Variants in UBE3B observed in about 807,000 individuals in gnomAD.
UBE3B encodes the protein ubiquitin protein ligase E3B.
A neutral mutation model predicts 132.3 loss-of-function variants in UBE3B; 80 were observed. The observed-to-expected ratio is 0.60, with a 90% CI of 0.50 to 0.73. The LOEUF (loss-of-function observed/expected upper bound fraction) is 0.73, where lower values mean the gene tolerates loss of function less well. Ranked by LOEUF, UBE3B falls within the 30% of genes least tolerant of loss-of-function variation. The pLI is 0.00. For synonymous variants in UBE3B, 487 were observed against 520.4 expected (o/e 0.94, Z 0.87); for missense variants, 1,196 against 1,362.5 (o/e 0.88, Z 1.92).
Position 109,516,844 on chromosome 12 carries a change from A to G in UBE3B, c.2036A>G (p.His679Arg), listed in dbSNP as rs746631323. 4.3e-6 allele frequency: 7 copies of G among 1,614,066 alleles called. No homozygotes were observed. Among genetic ancestry groups the G allele is most frequent in the East Asian group, 4.5e-5 (2 of 44,844 alleles). Residue 679 changes from histidine (H) to arginine (R), a missense_variant, in exon 19 of 28, where the codon CAT (histidine) becomes CGT (arginine). His to Arg is a conservative substitution (Grantham distance 29, BLOSUM62 0). Transcript: ENST00000342494. ...GTGGAAACCAGCTCTGCCTCCCCGC[A>G]TGTCACTCACATCACCATCCGCCGG... Reference protein sequence around the residue: ...GLVETSSASPHVTHITIRRSR... With the variant: ...GLVETSSASPRVTHITIRRSR...
chr12:109,480,965 A>G (rs1875286595), intron 1 of UBE3B, among the ~76,000 whole-genome samples: 2 of 152,294 alleles, frequency 1.3e-5, no homozygotes, highest in African/African-American at 4.8e-5. Context: ...CTTCTAAGGC[A>G]TAAACGTTTT....
chr12:109,543,512 T>C, the UBE3B span, among the ~76,000 whole-genome samples: 3 of 152,182 alleles, frequency 2.0e-5, no homozygotes, highest in Admixed American at 6.5e-5. Flanking sequence ...CTGGAATCGA[T>C]CCTTTGTTTC....
At position 109,509,694 on chromosome 12, in the gene UBE3B, T is replaced by C; in HGVS notation, c.1721T>C (p.Met574Thr). The C allele has an allele frequency of 6.2e-7, 1 of 1,606,594 alleles. No individual in the cohort carries two copies. Among genetic ancestry groups the C allele is most frequent in the Non-Finnish European group, 8.5e-7 (1 of 1,177,826 alleles). The change falls in exon 16 of 28, where the codon ATG becomes ACG. Residue 574 changes from methionine to threonine, a missense_variant. Transcript: ENST00000342494. ...SSFLNSFVFK[M>T]IWDGIVENAK... Reference sequence around the variant, plus strand: ...TTCCTGAATTCTTTTGTGTTTAAGATGATCTGGGATGGAATTGTAGGTAAG... The same window carrying C: ...TTCCTGAATTCTTTTGTGTTTAAGACGATCTGGGATGGAATTGTAGGTAAG...
Position 109,483,707 on chromosome 12 carries a change from T to C in UBE3B, c.156T>C (p.Asp52=). 1 of 1,602,004 alleles carries C rather than the reference T, an allele frequency of 6.2e-7. No individual in the cohort carries two copies. The highest frequency in any genetic ancestry group is 8.5e-7 in the Non-Finnish European group (1 of 1,175,016). Residue 52 remains aspartate, a synonymous_variant, in exon 3 of 28, where the codon GAT becomes GAC. Coordinates refer to ENST00000342494, the MANE Select transcript of UBE3B (RefSeq NM_130466.4). ...TCTGTCGGAGTCGACTGCAGAGAGA[T>C]ATCAGGTAAGGGCTAGGATCTCCCT... ...SFLCRSRLQR[D]IRREIDDFFK... is the part of the protein sequence containing the mutation.
Position 109,491,588 on chromosome 12 carries a change from A to G in UBE3B, c.713+461A>G, listed in dbSNP as rs1279157353. On this transcript the variant is annotated intron_variant, in intron 9 of 27. Transcript: ENST00000342494. ...TGCCTTCACTTAGTTTGGAGATGTCAGGTACTGAAGAAGCTAAGTTAATTC... is the reference window on the plus strand; with the variant it reads ...TGCCTTCACTTAGTTTGGAGATGTCGGGTACTGAAGAAGCTAAGTTAATTC... The G allele has an allele frequency of 2.6e-5, 4 of 153,758 alleles. 1 individual carries two copies. Among genetic ancestry groups the G allele is most frequent in the Admixed American group, 2.6e-4 (4 of 15,406 alleles). 9.5% of individuals were successfully genotyped at this position (153,758 alleles called of 1,614,324 possible). A position where few individuals can be genotyped will look rare whatever the true frequency, so the allele number is the denominator to read the frequency against.
In UBE3B at chr12:109,498,363, CG is replaced by C; in HGVS notation, c.940+11del. 3 of 1,611,856 alleles carry C rather than the reference CG, an allele frequency of 1.9e-6. No homozygotes were observed. The highest frequency in any genetic ancestry group is 2.5e-6 in the Non-Finnish European group (3 of 1,178,418). ...ACGCTTTGTCTAATGGGTAAGTATC[CG>C]TGGCTGGAACTTGATTGTGTCCTGG... On this transcript the variant is annotated intron_variant, in intron 11 of 27. Coordinates refer to ENST00000342494, the MANE Select transcript of UBE3B (RefSeq NM_130466.4).
chr12:109,510,421 C>T lies in UBE3B; in HGVS notation c.1819C>T (p.Arg607Trp), dbSNP rs751045596. The change falls in exon 17 of 28, where the codon CGG (arginine) becomes TGG (tryptophan). Residue 607 changes from arginine (R) to tryptophan (W), a missense_variant. By Grantham distance (101) the Arg-to-Trp change is moderately radical. Transcript: ENST00000342494. The part of the protein sequence containing the change: ...WLMVLYERDC[R>W]RRFTPEDHWL... Reference sequence around the variant, plus strand: ...TATGGTGCTGTACGAGCGGGACTGCCGGCGGCGCTTCACCCCCGAGGACCA... The same window carrying T: ...TATGGTGCTGTACGAGCGGGACTGCTGGCGGCGCTTCACCCCCGAGGACCA... The T allele has an allele frequency of 3.5e-5, 56 of 1,612,792 alleles. No individual in the cohort carries two copies. Among genetic ancestry groups the T allele is most frequent in the Admixed American group, 2.8e-4 (17 of 59,864 alleles).
At chr12:109,507,508 T>C in intron 14 of UBE3B, 56 bp from the exon 15 acceptor site, 2 of 1,562,180 alleles carry the variant, frequency 1.3e-6, no homozygotes, top group South Asian at 1.2e-5. Context: ...ATAGGAGAAA[T>C]AACAGACCAG....
chr12:109,486,044 C>G lies in UBE3B; in HGVS notation c.315C>G (p.Ser105Arg). 6.4e-7 allele frequency: 1 copy of G among 1,555,540 alleles called. No individual in the cohort carries two copies. Among genetic ancestry groups the G allele is most frequent in the Non-Finnish European group, 8.7e-7 (1 of 1,148,906 alleles). Residue 105 changes from serine to arginine, a missense_variant, in exon 5 of 28, where the codon AGC becomes AGG. Ser to Arg is a moderately radical substitution (Grantham distance 110, BLOSUM62 -1). Transcript: ENST00000342494. ...AGAAGTTGTGTCGCAGCATCCTGAG[C>G]AGCATGGATGCTGAGAATGAGCCTA... ...RFEKLCRSIL[S>R]SMDAENEPKV...
At chr12:109,541,932 C>A in the UBE3B span, among the ~76,000 whole-genome samples, 6 of 152,224 alleles carry the variant, frequency 3.9e-5, no homozygotes, top group Non-Finnish European at 1.5e-5. Flanking sequence ...CCAAGATGAT[C>A]TCATCTTGTG....
intron 2 of UBE3B, among the ~76,000 whole-genome samples, chr12:109,482,582 A>G (rs1031400151): frequency 1.1e-4 from 16 of 152,312 alleles, no homozygotes; most frequent in African/African-American, 3.6e-4. Flanking sequence ...TGGATTTCTG[A>G]ATAATTCATT....
At chr12:109,501,189 C>T (rs543371980) in intron 12 of UBE3B, among the ~76,000 whole-genome samples, 182 bp from the exon 13 acceptor site, 5 of 152,352 alleles carry the variant, frequency 3.3e-5, no homozygotes, top group East Asian at 3.9e-4. Context: ...ATGCCCTTGA[C>T]GTACCAGCCC....
downstream of UBE3B, among the ~76,000 whole-genome samples, chr12:109,540,692 T>C (rs773052415): frequency 6.6e-6 from 1 of 152,198 alleles, no homozygotes; most frequent in African/African-American, 2.4e-5. Context: ...ACCACGGGCA[T>C]GTGAAAGAGA....
intron 21 of UBE3B, among the ~76,000 whole-genome samples, chr12:109,523,348 T>G (rs1881937097): frequency 6.6e-6 from 1 of 152,240 alleles, no homozygotes; most frequent in South Asian, 2.1e-4. Context: ...GCTCTGTCCC[T>G]TCCCTGCTCA....
At chr12:109,492,025 A>G (rs567046548) in intron 9 of UBE3B, 3 of 152,246 alleles carry the variant, frequency 2.0e-5, no homozygotes, top group African/African-American at 4.8e-5. Context: ...TTTTCTGGAA[A>G]GAGCCGGATA....
intron 18 of UBE3B, among the ~76,000 whole-genome samples, chr12:109,511,762 A>G (rs1372960375): frequency 6.6e-6 from 1 of 152,144 alleles, no homozygotes; most frequent in East Asian, 1.9e-4. Context: ...GCTTTCTGCA[A>G]AGCCACCGGA....
chr12:109,494,427 T>C (rs1214802439), intron 9 of UBE3B, among the ~76,000 whole-genome samples: 2 of 152,224 alleles, frequency 1.3e-5, no homozygotes, highest in Admixed American at 6.5e-5. Context: ...CACTTAGTCA[T>C]GTAACCACTA....
chr12:109,523,246 T>C (rs185860681), intron 21 of UBE3B, among the ~76,000 whole-genome samples: 1 of 152,340 alleles, frequency 6.6e-6, no homozygotes, highest in Non-Finnish European at 1.5e-5. Flanking sequence ...GCACAGTCTG[T>C]CGGCGTTTTC....
intron 1 of UBE3B, among the ~76,000 whole-genome samples, chr12:109,481,203 G>A (rs1225252417): frequency 6.6e-6 from 1 of 151,580 alleles, no homozygotes; most frequent in Non-Finnish European, 1.5e-5. Context: ...TGTAATCCCA[G>A]CTACTTGGGA....
Sources: gnomAD v4.1 joint callset for allele counts (sites outside exome capture counted in the v4.1 genomes callset) on GRCh38, gnomAD v4.1.1 for gene constraint, MANE v1.5 for transcripts, NCBI Gene and HGNC (gene_info 2026-07-23, HGNC 2026-07-21) for gene names.